TSPAN15: variants seen among roughly 807,000 people sequenced by gnomAD.
TSPAN15 encodes tetraspanin-15.
Under a neutral mutation model 34.5 loss-of-function variants are expected in TSPAN15, and 20 were observed. The ratio of observed to expected loss-of-function variants is 0.58; its 90% CI spans 0.41 to 0.84. The LOEUF (loss-of-function observed/expected upper bound fraction) is 0.84, where lower values mean the gene tolerates loss of function less well. Ranked by LOEUF, TSPAN15 falls within the 40% of genes least tolerant of loss-of-function variation. TSPAN15 has a pLI of 0.00. For missense variants in TSPAN15, 313 were observed against 386.1 expected (o/e 0.81, Z 1.59); for synonymous variants, 155 against 153.9 (o/e 1.01, Z -0.05).
chr10:69,495,817 A>G (rs2133140142), intron 4 of TSPAN15, 128 bp downstream of exon 4: 1 of 675,152 alleles, frequency 1.5e-6, no homozygotes, highest in Non-Finnish European at 2.6e-6. Context: ...GGCTGGCCAG[A>G]TTGGGAGGCA....
At chr10:69,464,983 C>G (rs1417448593) in intron 1 of TSPAN15, among the ~76,000 whole-genome samples, 1 of 152,238 alleles carries the variant, frequency 6.6e-6, no homozygotes, top group Non-Finnish European at 1.5e-5. Flanking sequence ...GAACCCTGTT[C>G]ATGCCTCTGG....
the TSPAN15 span, among the ~76,000 whole-genome samples, chr10:69,536,775 A>G: frequency 6.6e-6 from 1 of 152,144 alleles, no homozygotes; most frequent in African/African-American, 2.4e-5. Flanking sequence ...ACTTGAGGTC[A>G]GGAGTTTGAG....
chr10:69,527,748 A>G, the TSPAN15 span, among the ~76,000 whole-genome samples: 267 of 147,802 alleles, frequency 1.8e-3, 15 homozygotes, highest in African/African-American at 6.0e-3. Flanking sequence ...AGACCACAGA[A>G]CTATGTGTTT....
the TSPAN15 span, among the ~76,000 whole-genome samples, chr10:69,538,014 C>G: frequency 1.3e-5 from 2 of 152,240 alleles, no homozygotes; most frequent in African/African-American, 4.8e-5. Context: ...AGACAGCCAT[C>G]TTCTCACTCT....
intron 1 of TSPAN15, among the ~76,000 whole-genome samples, chr10:69,463,228 C>A (rs759162270): frequency 3.9e-5 from 6 of 152,206 alleles, no homozygotes; most frequent in Admixed American, 2.6e-4. Flanking sequence ...AATTTTTCCT[C>A]CTTCAATGAT....
At chr10:69,518,271 G>T in the TSPAN15 span, among the ~76,000 whole-genome samples, 5 of 152,230 alleles carry the variant, frequency 3.3e-5, no homozygotes, top group African/African-American at 1.2e-4. Flanking sequence ...CAAAGGAAAA[G>T]GTTATGGACA....
chr10:69,543,617 G>A, the TSPAN15 span, among the ~76,000 whole-genome samples: 6 of 152,170 alleles, frequency 3.9e-5, no homozygotes, highest in Non-Finnish European at 7.3e-5. Context: ...CCAAGCTGCA[G>A]CTGCCCTACT....
At chr10:69,490,706 C>CAGAGCAAGATTCTGTCTCAAACAAA (rs1319695464) in intron 3 of TSPAN15, among the ~76,000 whole-genome samples, 1 of 152,216 alleles carries the variant, frequency 6.6e-6, no homozygotes, top group Non-Finnish European at 1.5e-5. Flanking sequence ...GCCTGGGTGA[C>CAGAGCAAGATTCTGTCTCAAACAAA]AGAGCAAGAT....
At chr10:69,547,732 G>C in the TSPAN15 span, among the ~76,000 whole-genome samples, 1 of 152,260 alleles carries the variant, frequency 6.6e-6, no homozygotes, top group Middle Eastern at 3.4e-3. Flanking sequence ...AGGTAGATTA[G>C]AGCTGACCTT....
chr10:69,489,114 G>A (rs1461220314), intron 3 of TSPAN15, among the ~76,000 whole-genome samples: 1 of 152,156 alleles, frequency 6.6e-6, no homozygotes. Context: ...CTCCCCCTAG[G>A]AATGCAGTTC....
intron 1 of TSPAN15, among the ~76,000 whole-genome samples, chr10:69,472,520 T>A (rs1589632308): frequency 1.3e-5 from 2 of 152,292 alleles, no homozygotes; most frequent in South Asian, 4.1e-4. Context: ...TATCTGCTTA[T>A]TCCAAATGTC....
At chr10:69,501,160 G>C (rs1842198253) in intron 5 of TSPAN15, among the ~76,000 whole-genome samples, 1 of 152,236 alleles carries the variant, frequency 6.6e-6, no homozygotes, top group Admixed American at 6.5e-5. Context: ...AGCTCACCGT[G>C]GACGTGGGGG....
chr10:69,501,477 GA>G (rs1471165417), intron 5 of TSPAN15, among the ~76,000 whole-genome samples: 2 of 152,204 alleles, frequency 1.3e-5, no homozygotes, highest in Non-Finnish European at 2.9e-5. Context: ...TTTGTGTCCA[GA>G]TCTATTTATT....
chr10:69,474,216 C>T (rs959971441), intron 1 of TSPAN15, among the ~76,000 whole-genome samples: 2 of 147,848 alleles, frequency 1.4e-5, no homozygotes, highest in African/African-American at 5.0e-5. Flanking sequence ...TCCCTTATGG[C>T]GGCTTCTCCT....
the TSPAN15 span, among the ~76,000 whole-genome samples, chr10:69,527,841 G>C: frequency 6.8e-6 from 1 of 147,846 alleles, no homozygotes; most frequent in African/African-American, 2.5e-5. Flanking sequence ...GGTGGGGATA[G>C]GAAAATTAGG....
intron 1 of TSPAN15, among the ~76,000 whole-genome samples, chr10:69,452,877 G>T (rs1438832236): frequency 6.6e-6 from 1 of 152,188 alleles, no homozygotes; most frequent in African/African-American, 2.4e-5. Flanking sequence ...TTAGCCCCTT[G>T]CTGGGTCTCT....
chr10:69,465,338 G>A (rs1349447289), intron 1 of TSPAN15, among the ~76,000 whole-genome samples: 4 of 152,206 alleles, frequency 2.6e-5, no homozygotes, highest in African/African-American at 9.7e-5. Flanking sequence ...GAGATGGGGT[G>A]GGGCCTACTT....
At chr10:69,543,844 A>AGTGTGTGT in the TSPAN15 span, among the ~76,000 whole-genome samples, 1,096 of 73,790 alleles carry the variant, frequency 0.015, 40 homozygotes, top group East Asian at 0.038. Context: ...GAAGAAGGGG[A>AGTGTGTGT]GTGTGTGTGT....
At chr10:69,539,386 G>A in the TSPAN15 span, among the ~76,000 whole-genome samples, 1 of 140,696 alleles carries the variant, frequency 7.1e-6, no homozygotes, top group Non-Finnish European at 1.6e-5. Flanking sequence ...AGAAGAAGAA[G>A]AGGAAGAGGA....
Sources: gnomAD v4.1 joint callset for allele counts (sites outside exome capture counted in the v4.1 genomes callset) on GRCh38, gnomAD v4.1.1 for gene constraint, MANE v1.5 for transcripts, NCBI Gene and HGNC (gene_info 2026-07-23, HGNC 2026-07-21) for gene names.